Variants in HCN1 observed in about 807,000 individuals in gnomAD.
The protein encoded by HCN1 is hyperpolarization activated cyclic nucleotide gated potassium channel 1, also known as potassium/sodium hyperpolarization-activated cyclic nucleotide-gated channel 1.
HCN1 carries 13 observed loss-of-function variants against 78.9 expected under a neutral mutation model. The observed-to-expected ratio is 0.16, with a 90% CI of 0.11 to 0.26. The LOEUF (loss-of-function observed/expected upper bound fraction) is 0.26, where lower values mean the gene tolerates loss of function less well. Ranked by LOEUF, HCN1 falls within the 10% of genes least tolerant of loss-of-function variation. The pLI, the probability that HCN1 is intolerant of heterozygous loss-of-function variation, is 1.00. For synonymous variants in HCN1, 552 were observed against 455.5 expected (o/e 1.21, Z -2.70); for missense variants, 810 against 1,154.3 (o/e 0.70, Z 4.32).
In HCN1 at chr5:45,542,102, G is replaced by T. The variant is rs976846728; in HGVS notation, c.850-80095C>A. ...AGCCAGATAACTGGAATTAAAATAC[G>T]AATTAAATGTTTAGTCAAATAATGT... On this transcript the variant is annotated intron_variant, in intron 2 of 7. Transcript: ENST00000303230. 2.6e-5 allele frequency among the ~76,000 whole-genome samples: 4 copies of T among 151,902 alleles called. No individual in the cohort carries two copies. The South Asian group carries it at 8.3e-4, about 32-fold the overall frequency.
chr5:45,665,664 T>C (rs1746028885), intron 1 of HCN1, among the ~76,000 whole-genome samples: 1 of 152,020 alleles, frequency 6.6e-6, no homozygotes, highest in African/African-American at 2.4e-5. Flanking sequence ...AAATAGCAAT[T>C]CTTAAAATAA....
intron 6 of HCN1, among the ~76,000 whole-genome samples, chr5:45,276,501 TAA>T (rs905565827): frequency 8.5e-5 from 13 of 152,204 alleles, no homozygotes; most frequent in South Asian, 4.1e-4. Context: ...ATTTATAATT[TAA>T]AAAGAGTTCC....
In HCN1 at chr5:45,593,834, C is replaced by T. The variant is rs1256914561; in HGVS notation, c.849+51351G>A. On this transcript the variant is annotated intron_variant, in intron 2 of 7. Coordinates refer to ENST00000303230, the MANE Select transcript of HCN1 (RefSeq NM_021072.4). ...GAATTACAGGTGCATGCCACCACATCTGGCTATTGTTTTGTATTTTTAGTA... is the reference window on the plus strand; with the variant it reads ...GAATTACAGGTGCATGCCACCACATTTGGCTATTGTTTTGTATTTTTAGTA... 2.0e-5 allele frequency among the ~76,000 whole-genome samples: 3 copies of T among 152,016 alleles called. No individual in the cohort carries two copies. The East Asian group carries it at 5.8e-4, about 29-fold the overall frequency.
chr5:45,356,573 T>A (rs557294959), intron 4 of HCN1, among the ~76,000 whole-genome samples: 4 of 151,990 alleles, frequency 2.6e-5, no homozygotes. Flanking sequence ...GTTTATAAAC[T>A]AACTGTCATA....
chr5:45,668,332 A>G (rs1029728183), intron 1 of HCN1, among the ~76,000 whole-genome samples: 6 of 151,816 alleles, frequency 4.0e-5, no homozygotes, highest in Non-Finnish European at 7.4e-5. Context: ...TGCTGTTCTC[A>G]TAATAGGAAG....
chr5:45,402,678 T>C (rs1739839115), intron 3 of HCN1, among the ~76,000 whole-genome samples: 1 of 152,166 alleles, frequency 6.6e-6, no homozygotes, highest in Non-Finnish European at 1.5e-5. Flanking sequence ...GAAGACAGTA[T>C]CTACAGAATG....
At chr5:45,351,561 A>T (rs1373188264) in intron 5 of HCN1, among the ~76,000 whole-genome samples, 1 of 108,840 alleles carries the variant, frequency 9.2e-6, no homozygotes, top group Non-Finnish European at 1.7e-5. Flanking sequence ...CTGCACAGCA[A>T]AAGAAACTAC....
intron 2 of HCN1, among the ~76,000 whole-genome samples, chr5:45,619,205 C>T (rs916690772): frequency 2.0e-5 from 3 of 152,062 alleles, no homozygotes; most frequent in African/African-American, 4.8e-5. Flanking sequence ...GCACTAATCT[C>T]GTTTAAAATT....
At chr5:45,581,858 C>T (rs1744084483) in intron 2 of HCN1, among the ~76,000 whole-genome samples, 1 of 152,150 alleles carries the variant, frequency 6.6e-6, no homozygotes, top group Admixed American at 6.5e-5. Context: ...TCTGAGGGCT[C>T]TGTTCTGTTC....
chr5:45,345,882 A>T (rs151046710), intron 5 of HCN1, among the ~76,000 whole-genome samples: 16 of 152,362 alleles, frequency 1.1e-4, no homozygotes, highest in Non-Finnish European at 2.1e-4. Flanking sequence ...ACTCTGTACC[A>T]GTTTACTGAA....
At chr5:45,371,756 C>CA (rs994051451) in intron 4 of HCN1, among the ~76,000 whole-genome samples, 84 of 125,112 alleles carry the variant, frequency 6.7e-4, no homozygotes, top group African/African-American at 1.7e-3. Context: ...GACTCCATCT[C>CA]AAAAAAAAAA....
chr5:45,675,333 T>C lies in HCN1; in HGVS notation c.425+20336A>G, dbSNP rs571034492. 1.4e-3 allele frequency among the ~76,000 whole-genome samples: 212 copies of C among 151,820 alleles called. 1 individual carries two copies. Among genetic ancestry groups the C allele is most frequent in the African/African-American group, 4.9e-3 (202 of 41,490 alleles). ...TATCTATTACCCATACAAACCTTTGTTGGCTGTTCCTTCCCTAAACACACT... is the reference window on the plus strand; with the variant it reads ...TATCTATTACCCATACAAACCTTTGCTGGCTGTTCCTTCCCTAAACACACT... On this transcript the variant is annotated intron_variant, in intron 1 of 7. Transcript: ENST00000303230.
At chr5:45,400,099 CACATAAGGGT>C (rs1739762276) in intron 3 of HCN1, among the ~76,000 whole-genome samples, 1 of 151,964 alleles carries the variant, frequency 6.6e-6, no homozygotes, top group African/African-American at 2.4e-5. Flanking sequence ...TTCCTTTCTC[CACATAAGGGT>C]ACAGACAAGG....
chr5:45,547,183 G>C (rs1579961352), intron 2 of HCN1, among the ~76,000 whole-genome samples: 1 of 151,738 alleles, frequency 6.6e-6, no homozygotes, highest in Non-Finnish European at 1.5e-5. Context: ...TTCATGATAT[G>C]TCTCCAACTA....
intron 7 of HCN1, among the ~76,000 whole-genome samples, chr5:45,264,833 G>A (rs1283679591): frequency 6.6e-6 from 1 of 152,144 alleles, no homozygotes. Context: ...CAATTGCTTA[G>A]TGCCTATTAG....
intron 1 of HCN1, among the ~76,000 whole-genome samples, chr5:45,661,187 C>A (rs1413181004): frequency 7.2e-6 from 1 of 138,248 alleles, no homozygotes; most frequent in Non-Finnish European, 1.6e-5. Flanking sequence ...AACTGAACAA[C>A]CTGCTCCTGA....
At chr5:45,370,655 T>C (rs1747335034) in intron 4 of HCN1, among the ~76,000 whole-genome samples, 2 of 152,120 alleles carry the variant, frequency 1.3e-5, no homozygotes, top group African/African-American at 4.8e-5. Flanking sequence ...TAATTTATCA[T>C]ATATGTGTGT....
chr5:45,540,669 T>C (rs995668880), intron 2 of HCN1, among the ~76,000 whole-genome samples: 9 of 152,340 alleles, frequency 5.9e-5, no homozygotes, highest in African/African-American at 2.2e-4. Flanking sequence ...ACCCTGTGTT[T>C]GTTATTTCCA....
intron 2 of HCN1, among the ~76,000 whole-genome samples, chr5:45,615,614 T>C (rs1263317475): frequency 6.6e-6 from 1 of 152,004 alleles, no homozygotes; most frequent in African/African-American, 2.4e-5. Flanking sequence ...AAATTTGTTA[T>C]AAGCTTAAGG....
Sources: gnomAD v4.1 joint callset for allele counts (sites outside exome capture counted in the v4.1 genomes callset) on GRCh38, gnomAD v4.1.1 for gene constraint, MANE v1.5 for transcripts, NCBI Gene and HGNC (gene_info 2026-07-23, HGNC 2026-07-21) for gene names.